The following MAGI2 variants were observed in gnomAD, a reference collection of about 807,000 sequenced individuals.
MAGI2 encodes membrane associated guanylate kinase, WW and PDZ domain containing 2.
In MAGI2, 35 loss-of-function variants were observed where a neutral mutation model predicts 133.3. That is an observed-to-expected ratio of 0.26 (90% CI 0.20 to 0.35). The LOEUF is 0.35. MAGI2 is among the 10% of genes least tolerant of loss of function. The pLI, the probability that MAGI2 is intolerant of heterozygous loss-of-function variation, is 1.00. For synonymous variants in MAGI2, 729 were observed against 710.6 expected (o/e 1.03, Z -0.41); for missense variants, 1,636 against 1,863.4 (o/e 0.88, Z 2.25).
intron 20 of MAGI2, among the ~76,000 whole-genome samples, chr7:78,112,792 C>G (rs1009544656): frequency 2.0e-5 from 3 of 152,172 alleles, no homozygotes; most frequent in African/African-American, 7.2e-5. Flanking sequence ...AGCTTATGCT[C>G]TGGAAAGACA....
rs974147807 is a variant in MAGI2, at chr7:78,167,993, T to C, written c.2519A>G (p.Tyr840Cys). 4 of 1,613,976 alleles carry C rather than the reference T, an allele frequency of 2.5e-6. No homozygotes were observed. The highest frequency in any genetic ancestry group is 3.4e-6 in the Non-Finnish European group (4 of 1,180,032). Residue 840 changes from tyrosine to cysteine, a missense_variant, in exon 15 of 22, where the codon TAT (tyrosine) becomes TGT (cysteine). By Grantham distance (194) the Tyr-to-Cys change is radical. Transcript: ENST00000354212. ...TGCGTGGTGCATGAGGTCGATGACATAGCGGTGGGTTTTGCCGGCTACTGG... is the reference window on the plus strand; with the variant it reads ...TGCGTGGTGCATGAGGTCGATGACACAGCGGTGGGTTTTGCCGGCTACTGG... ...GIPVAGKTHR[Y>C]VIDLMHHAAR... is the part of the protein sequence containing the mutation.
intron 1 of MAGI2, among the ~76,000 whole-genome samples, chr7:79,280,795 C>T (rs10953823): frequency 0.56 from 84,323 of 151,114 alleles, 25,929 homozygotes; most frequent in Non-Finnish European, 0.68. Flanking sequence ...CATGGTGGTG[C>T]GAACCTGTAG....
chr7:79,346,577 A>T (rs55853345), intron 1 of MAGI2, among the ~76,000 whole-genome samples: 46,543 of 151,454 alleles, frequency 0.31, 7,359 homozygotes, highest in Admixed American at 0.38. Context: ...CTGCAACTGT[A>T]CTGCCCTCTG....
intron 3 of MAGI2, among the ~76,000 whole-genome samples, chr7:78,578,049 A>G (rs1802450936): frequency 6.6e-6 from 1 of 150,552 alleles, no homozygotes; most frequent in Non-Finnish European, 1.5e-5. Flanking sequence ...AAAAAAAAAG[A>G]GACCTTCAAT....
intron 3 of MAGI2, among the ~76,000 whole-genome samples, chr7:78,562,366 G>T (rs142008196): frequency 9.3e-4 from 141 of 152,278 alleles, no homozygotes; most frequent in African/African-American, 3.2e-3. Context: ...GAAAGGAAAT[G>T]GTTTCCTTAG....
intron 2 of MAGI2, among the ~76,000 whole-genome samples, chr7:78,640,453 G>T (rs769933206): frequency 1.3e-5 from 2 of 151,952 alleles, no homozygotes; most frequent in Non-Finnish European, 2.9e-5. Flanking sequence ...GCTAATTAAG[G>T]CACTTCTGGC....
At chr7:79,331,803 T>C (rs1398336513) in intron 1 of MAGI2, among the ~76,000 whole-genome samples, 2 of 152,122 alleles carry the variant, frequency 1.3e-5, no homozygotes, top group Non-Finnish European at 2.9e-5. Context: ...TAAAAAGGTA[T>C]CATTTTTCGC....
chr7:78,791,842 G>T (rs1427101363), intron 2 of MAGI2, among the ~76,000 whole-genome samples: 1 of 152,134 alleles, frequency 6.6e-6, no homozygotes, highest in Non-Finnish European at 1.5e-5. Flanking sequence ...GAGCCATTGT[G>T]CCGGGTCAAG....
intron 3 of MAGI2, among the ~76,000 whole-genome samples, chr7:78,596,980 T>A (rs1410374400): frequency 1.3e-5 from 2 of 152,100 alleles, no homozygotes; most frequent in Non-Finnish European, 2.9e-5. Context: ...TGAATACAGG[T>A]GTGTTGCACA....
chr7:78,918,188 C>A (rs1018444123), intron 2 of MAGI2, among the ~76,000 whole-genome samples: 3 of 152,086 alleles, frequency 2.0e-5, no homozygotes, highest in Non-Finnish European at 2.9e-5. Context: ...TCAAGAAATT[C>A]CAAGGGTTTT....
At chr7:78,722,251 C>A (rs1366820024) in intron 2 of MAGI2, among the ~76,000 whole-genome samples, 2 of 151,700 alleles carry the variant, frequency 1.3e-5, no homozygotes, top group Non-Finnish European at 2.9e-5. Context: ...GTTTTACTTT[C>A]AAAACTAATA....
chr7:78,824,968 A>G (rs745938467), intron 2 of MAGI2, among the ~76,000 whole-genome samples: 4 of 152,214 alleles, frequency 2.6e-5, no homozygotes, highest in Non-Finnish European at 5.9e-5. Flanking sequence ...ACACAGGAAC[A>G]GAAAACCAAA....
chr7:78,792,512 C>T lies in MAGI2; in HGVS notation c.419-165273G>A, dbSNP rs1159293834. 2.0e-5 allele frequency among the ~76,000 whole-genome samples: 3 copies of T among 152,306 alleles called. No homozygotes were observed. In the South Asian group the frequency reaches 6.2e-4, roughly 32 times the overall value. On this transcript the variant is annotated intron_variant, in intron 2 of 21. Transcript: ENST00000354212. Reference sequence around the variant, plus strand: ...AAGTGTGAGAAGCCGATCATGGTTACAGAGTGTTGAGAGGAGCATATCCTA... The same window carrying T: ...AAGTGTGAGAAGCCGATCATGGTTATAGAGTGTTGAGAGGAGCATATCCTA...
intron 2 of MAGI2, among the ~76,000 whole-genome samples, chr7:78,932,300 C>T (rs1642886): frequency 1 from 151,562 of 152,194 alleles, 75,467 homozygotes; most frequent in Non-Finnish European, 1. Context: ...GATACCCCTG[C>T]GGGTCATAGT....
At chr7:79,191,550 T>A (rs1262926427) in intron 1 of MAGI2, among the ~76,000 whole-genome samples, 1 of 151,126 alleles carries the variant, frequency 6.6e-6, no homozygotes, top group South Asian at 2.1e-4. Flanking sequence ...CCCAAGTAGT[T>A]GGAACTACGG....
chr7:78,567,618 C>A (rs1801080247), intron 3 of MAGI2, among the ~76,000 whole-genome samples: 1 of 152,128 alleles, frequency 6.6e-6, no homozygotes, highest in South Asian at 2.1e-4. Context: ...TCCTGACCTC[C>A]AGCTTCCTTC....
intron 1 of MAGI2, among the ~76,000 whole-genome samples, chr7:79,408,753 G>A (rs1005811778): frequency 3.3e-5 from 5 of 152,014 alleles, no homozygotes; most frequent in Admixed American, 3.3e-4. Flanking sequence ...AGATGGGGGG[G>A]TCAGTATTTC....
intron 2 of MAGI2, among the ~76,000 whole-genome samples, chr7:78,706,267 G>A (rs1389389994): frequency 6.6e-6 from 1 of 152,002 alleles, no homozygotes; most frequent in Non-Finnish European, 1.5e-5. Flanking sequence ...TTGTGATAGT[G>A]AGTAAGTCTC....
At chr7:78,035,080 C>A (rs771338051) in intron 21 of MAGI2, 1 of 152,540 alleles carries the variant, frequency 6.6e-6, no homozygotes, top group African/African-American at 2.4e-5. Flanking sequence ...ACTAAGGCGT[C>A]CACTGTGCAG....
Sources: allele counts gnomAD v4.1 joint callset (sites outside exome capture counted in the v4.1 genomes callset), GRCh38; gene constraint gnomAD v4.1.1; transcripts MANE v1.5; gene names NCBI Gene and HGNC (gene_info 2026-07-23, HGNC 2026-07-21).